SLC35F4: variants seen among roughly 807,000 people sequenced by gnomAD.
The protein encoded by SLC35F4 is solute carrier family 35 member F4, also known as chromosome 14 open reading frame 36.
Under a neutral mutation model 44.2 loss-of-function variants are expected in SLC35F4, and 24 were observed. That is an observed-to-expected ratio of 0.54 (90% CI 0.39 to 0.76). SLC35F4 has a LOEUF of 0.76. SLC35F4 is among the 30% of genes least tolerant of loss of function. The pLI is 0.00. For missense variants in SLC35F4, 562 were observed against 586.1 expected (o/e 0.96, Z 0.42); for synonymous variants, 238 against 223.6 (o/e 1.06, Z -0.57).
At chr14:57,878,986 T>C (rs1242822822) in intron 1 of SLC35F4, among the ~76,000 whole-genome samples, 1 of 152,104 alleles carries the variant, frequency 6.6e-6, no homozygotes, top group Non-Finnish European at 1.5e-5. Context: ...CTTGGGCCCA[T>C]ATTGAAGGAC....
At chr14:57,771,775 G>T (rs1392234410) in intron 1 of SLC35F4, among the ~76,000 whole-genome samples, 1 of 152,062 alleles carries the variant, frequency 6.6e-6, no homozygotes, top group African/African-American at 2.4e-5. Context: ...AATATTTTTT[G>T]GAGAAACAGG....
At chr14:57,910,974 T>C (rs1239359004) in intron 1 of SLC35F4, among the ~76,000 whole-genome samples, 1 of 152,052 alleles carries the variant, frequency 6.6e-6, no homozygotes, top group Non-Finnish European at 1.5e-5. Context: ...GTTGTCATCA[T>C]GTAAACCTTG....
intron 1 of SLC35F4, among the ~76,000 whole-genome samples, chr14:57,634,247 G>A (rs140190266): frequency 4.6e-5 from 7 of 152,216 alleles, no homozygotes; most frequent in African/African-American, 1.7e-4. Flanking sequence ...TAAAATGTAA[G>A]TTGTGATAAG....
intron 1 of SLC35F4, among the ~76,000 whole-genome samples, chr14:57,594,674 T>G (rs1236768787): frequency 2.0e-5 from 3 of 152,224 alleles, no homozygotes; most frequent in Non-Finnish European, 4.4e-5. Flanking sequence ...TCTGTGATTT[T>G]CCACTCTACC....
chr14:57,850,956 G>A (rs1378608025), intron 1 of SLC35F4, among the ~76,000 whole-genome samples: 1 of 152,198 alleles, frequency 6.6e-6, no homozygotes, highest in African/African-American at 2.4e-5. Flanking sequence ...GTAGGATCAG[G>A]AAATCTGGCA....
At chr14:57,600,837 C>T (rs2070785734) in intron 1 of SLC35F4, among the ~76,000 whole-genome samples, 1 of 151,282 alleles carries the variant, frequency 6.6e-6, no homozygotes, top group Non-Finnish European at 1.5e-5. Flanking sequence ...GTAGTAGTAT[C>T]ATTTATTGTA....
At chr14:57,658,791 A>C (rs548371335) in intron 1 of SLC35F4, among the ~76,000 whole-genome samples, 2 of 152,210 alleles carry the variant, frequency 1.3e-5, no homozygotes, top group South Asian at 2.1e-4. Flanking sequence ...GCAAAGAAGG[A>C]AGGCCAACAA....
At chr14:57,839,990 T>C (rs562413822) in intron 1 of SLC35F4, among the ~76,000 whole-genome samples, 2 of 152,218 alleles carry the variant, frequency 1.3e-5, no homozygotes, top group African/African-American at 4.8e-5. Context: ...TCCAGATGAG[T>C]GATCTAATAA....
intron 2 of SLC35F4, among the ~76,000 whole-genome samples, chr14:57,592,779 C>T (rs1276956338): frequency 6.6e-6 from 1 of 152,112 alleles, no homozygotes; most frequent in Admixed American, 6.6e-5. Flanking sequence ...CTTCCCCCAC[C>T]CCTAATTGAA....
chr14:57,681,252 A>G (rs1017821011), intron 1 of SLC35F4, among the ~76,000 whole-genome samples: 19 of 152,084 alleles, frequency 1.2e-4, no homozygotes, highest in African/African-American at 4.1e-4. Context: ...GACAAACCTG[A>G]TGAAAACAAG....
chr14:57,799,852 T>C (rs2078148049), intron 1 of SLC35F4, among the ~76,000 whole-genome samples: 1 of 152,190 alleles, frequency 6.6e-6, no homozygotes, highest in Non-Finnish European at 1.5e-5. Flanking sequence ...GACAGAGCTC[T>C]GATCTCTCCC....
At chr14:57,649,596 A>T (rs187045274) in intron 1 of SLC35F4, among the ~76,000 whole-genome samples, 13 of 152,116 alleles carry the variant, frequency 8.5e-5, no homozygotes, top group Non-Finnish European at 1.6e-4. Flanking sequence ...ACACGTCCAC[A>T]GGTTTAGGGG....
intron 1 of SLC35F4, among the ~76,000 whole-genome samples, chr14:57,633,146 C>T (rs895426171): frequency 1.3e-5 from 2 of 152,072 alleles, no homozygotes; most frequent in African/African-American, 2.4e-5. Flanking sequence ...GAGGATATCT[C>T]GATTGCATCT....
At chr14:57,670,846 C>G (rs535614064) in intron 1 of SLC35F4, among the ~76,000 whole-genome samples, 4 of 150,492 alleles carry the variant, frequency 2.7e-5, no homozygotes, top group Admixed American at 2.0e-4. Flanking sequence ...CCCAGAAAGA[C>G]TAGGATGCCA....
intron 1 of SLC35F4, among the ~76,000 whole-genome samples, chr14:57,801,066 A>T (rs575804416): frequency 2.0e-5 from 3 of 152,294 alleles, no homozygotes; most frequent in African/African-American, 7.2e-5. Flanking sequence ...ACACATAATC[A>T]TCAGATTCTC....
At chr14:57,983,173 C>T (rs1035726839), upstream of SLC35F4, among the ~76,000 whole-genome samples, 2 of 152,236 alleles carry the variant, frequency 1.3e-5, no homozygotes, top group Non-Finnish European at 2.9e-5. Context: ...AGGAGTCTGG[C>T]TCAAATCTGT....
intron 2 of SLC35F4, among the ~76,000 whole-genome samples, chr14:57,592,287 C>G (rs1453433098): frequency 1.3e-5 from 2 of 152,202 alleles, no homozygotes; most frequent in Non-Finnish European, 1.5e-5. Flanking sequence ...GCTTCTTTAT[C>G]TGTCCAACAG....
chr14:57,619,009 G>T lies in SLC35F4; in HGVS notation c.104-24885C>A, dbSNP rs904990138. 5.9e-5 allele frequency among the ~76,000 whole-genome samples: 9 copies of T among 152,308 alleles called. No homozygotes were observed. In the East Asian group the frequency reaches 1.7e-3, roughly 29 times the overall value. On this transcript the variant is annotated intron_variant, in intron 1 of 7. Transcript: ENST00000556826. Reference sequence around the variant, plus strand: ...TCTCTAGATTCCTCCTCTCTGGGCAGGGCATCACCGAAAAAAAGGCGGCAG... The same window carrying T: ...TCTCTAGATTCCTCCTCTCTGGGCATGGCATCACCGAAAAAAAGGCGGCAG...
intron 1 of SLC35F4, among the ~76,000 whole-genome samples, chr14:57,783,651 T>C (rs1015960969): frequency 4.6e-5 from 7 of 152,230 alleles, no homozygotes; most frequent in Admixed American, 6.5e-5. Flanking sequence ...GCTCCATTGA[T>C]GCTTTGTCTC....
Sources: allele counts gnomAD v4.1 joint callset (sites outside exome capture counted in the v4.1 genomes callset), GRCh38; gene constraint gnomAD v4.1.1; transcripts MANE v1.5; gene names NCBI Gene and HGNC (gene_info 2026-07-23, HGNC 2026-07-21).